The following GART variants were observed in gnomAD, a reference collection of about 807,000 sequenced individuals.
GART encodes phosphoribosylglycinamide formyltransferase, phosphoribosylglycinamide synthetase, phosphoribosylaminoimidazole synthetase.
A neutral mutation model predicts 107.2 loss-of-function variants in GART; 43 were observed. The observed-to-expected ratio is 0.40, with a 90% confidence interval of 0.31 to 0.52. The LOEUF is 0.52. Ranked by LOEUF, GART falls within the 20% of genes least tolerant of loss-of-function variation. The pLI is 0.52. For missense variants in GART, 1,107 were observed against 1,206.5 expected, an observed-to-expected ratio of 0.92 and a Z score of 1.22; for synonymous variants, 434 against 427.0, an observed-to-expected ratio of 1.02 and a Z score of -0.20.
At chr21:33,504,678 G>GT in intron 20 of GART, 151 bp from the exon 21 acceptor site, 1 of 640,836 alleles carries the variant, frequency 1.6e-6, no homozygotes, top group Non-Finnish European at 2.7e-6. Context: ...TGAGGTAAAA[G>GT]TAAGTTCTCA....
rs1051072638 is a variant in GART at position 33,539,216 on chromosome 21, G to C, written c.100C>G (p.Pro34Ala). ...GAGCAGGCAGTGCCTGCGTTTCCTG[G>C]GGCAACCAACACTTGTTTGACATGA... is the stretch of plus-strand genomic sequence containing the variant. Reference protein sequence around the residue: ...SHHVKQVLVAPGNAGTACSEK... With the variant: ...SHHVKQVLVAAGNAGTACSEK... The change falls in exon 2 of 22, where the codon CCA (proline) becomes GCA (alanine). Residue 34 changes from proline to alanine, a missense_variant. By Grantham distance (27) the Pro-to-Ala change is conservative. Transcript: ENST00000381815. 1 of 1,614,044 alleles carries C rather than the reference G, an allele frequency of 6.2e-7. No individual in the cohort carries two copies. Among genetic ancestry groups the C allele is most frequent in the Non-Finnish European group, 8.5e-7 (1 of 1,179,960 alleles).
rs1400887158 is a variant in GART, at chr21:33,504,422, T to C, written c.2831A>G (p.His944Arg). ...TGVTVTGCTVHFVAEDVDAGQ... is the reference protein window; with the variant it reads ...TGVTVTGCTVRFVAEDVDAGQ... ...AAAAGACATACTCACAGCTACAAAG[T>C]GTACAGTGCACCCAGTAACTGTGAC... is the stretch of plus-strand genomic sequence containing the variant. Residue 944 changes from histidine (H) to arginine (R), a missense_variant, in exon 21 of 22, where the codon CAC becomes CGC. By Grantham distance (29) the His-to-Arg change is conservative (BLOSUM62 0). Transcript: ENST00000381815. 6.2e-7 allele frequency: 1 copy of C among 1,613,744 alleles called. No homozygotes were observed. Among genetic ancestry groups the C allele is most frequent in the Non-Finnish European group, 8.5e-7 (1 of 1,179,700 alleles).
intron 21 of GART, 46 bp downstream of exon 21, chr21:33,504,366 T>C: frequency 6.2e-7 from 1 of 1,609,590 alleles, no homozygotes; most frequent in Non-Finnish European, 8.5e-7. Flanking sequence ...CAGTGTCATT[T>C]ACATCTGACT....
intron 1 of GART, among the ~76,000 whole-genome samples, chr21:33,540,751 GATTAC>G (rs781543940): frequency 6.6e-6 from 1 of 152,142 alleles, no homozygotes; most frequent in Non-Finnish European, 1.5e-5. Context: ...ATGATGTTGG[GATTAC>G]ATATTTTAAG....
chr21:33,522,370 G>T, intron 11 of GART, 88 bp from the exon 12 acceptor site: 1 of 1,057,606 alleles, frequency 9.5e-7, no homozygotes. Flanking sequence ...GATATCCCAA[G>T]TGATTTTCAC....
At chr21:33,518,666 G>T in intron 14 of GART, 4 of 430,106 alleles carry the variant, frequency 9.3e-6, no homozygotes, top group South Asian at 5.3e-5. Context: ...TTCAGAAGTT[G>T]ACTCAATTCA....
rs148369436 is a variant in GART at position 33,539,551 on chromosome 21, G to A, written c.-41-195C>T. 5.3e-3 allele frequency among the ~76,000 whole-genome samples: 812 copies of A among 152,178 alleles called. 10 individuals carry two copies. The highest frequency in any genetic ancestry group is 0.018 in the African/African-American group (758 of 41,504). ...TCTACTAAAATACAAAAATTAGCCA[G>A]GCATGGTGGCGGGTGCCTGTAATCC... On this transcript the variant is annotated intron_variant, in intron 1 of 21. Coordinates refer to ENST00000381815, the MANE Select transcript of GART (RefSeq NM_000819.5).
chr21:33,509,814 CTT>C lies in GART; in HGVS notation c.2419_2420del (p.Lys807GlyfsTer26). On this transcript the variant is annotated frameshift_variant, in exon 18 of 22. Coordinates refer to ENST00000381815, the MANE Select transcript of GART (RefSeq NM_000819.5). LOFTEE classifies it high-confidence loss of function. ...LTNHFSFEKK[K>X]ARVAVLISGT... ...CAGATATTAAGACAGCCACTCTGGC[CTT>C]TTTTTTTTCAAAAGAGAAATGATTT... is the stretch of plus-strand genomic sequence containing the variant. 1 of 1,443,826 alleles carries C rather than the reference CTT, an allele frequency of 6.9e-7. No individual in the cohort carries two copies. The highest frequency in any genetic ancestry group is 9.5e-7 in the Non-Finnish European group (1 of 1,056,382). The allele number at this position is 1,443,826 out of a possible 1,614,324, so 89.4% of individuals were successfully genotyped here.
chr21:33,540,836 T>A (rs1369110123), intron 1 of GART, among the ~76,000 whole-genome samples: 1 of 152,192 alleles, frequency 6.6e-6, no homozygotes, highest in African/African-American at 2.4e-5. Context: ...GGGTACTATT[T>A]AAAATGCTTG....
chr21:33,541,607 A>G (rs1293900140), intron 1 of GART, among the ~76,000 whole-genome samples: 1 of 152,194 alleles, frequency 6.6e-6, no homozygotes, highest in Non-Finnish European at 1.5e-5. Flanking sequence ...CTGGGTAGAG[A>G]CGCTGCCCCA....
At chr21:33,538,538 T>C (rs1422352097) in intron 2 of GART, among the ~76,000 whole-genome samples, 1 of 152,320 alleles carries the variant, frequency 6.6e-6, no homozygotes, top group East Asian at 1.9e-4. Flanking sequence ...TGGCCGCAAG[T>C]TGTATTTAAT....
chr21:33,522,219 A>C lies in GART; in HGVS notation c.1362T>G (p.Ile454Met). 1 of 1,614,016 alleles carries C rather than the reference A, an allele frequency of 6.2e-7. No individual in the cohort carries two copies. The highest frequency in any genetic ancestry group is 1.3e-5 in the African/African-American group (1 of 75,048). The stretch of plus-strand genomic sequence containing the variant: ...TGGAAGTGGCTTTTGCTAAAGGCTG[A>C]ATTTTCTTGACCAGCATATTTCCAG... Reference protein sequence around the residue: ...IAAGNMLVKKIQPLAKATSRS... With the variant: ...IAAGNMLVKKMQPLAKATSRS... The change falls in exon 12 of 22, where the codon ATT (isoleucine) becomes ATG (methionine). Residue 454 changes from isoleucine to methionine, a missense_variant. By Grantham distance (10) the Ile-to-Met change is conservative. Transcript: ENST00000381815.
At chr21:33,521,046 A>G (rs1167140492) in intron 12 of GART, 31 bp from the exon 13 acceptor site, 2 of 1,501,100 alleles carry the variant, frequency 1.3e-6, no homozygotes, top group African/African-American at 2.8e-5. Context: ...TACTTGCTAC[A>G]TTTTAATAGA....
Position 33,525,902 on chromosome 21 carries a change from C to T in GART, c.1067-902G>A, listed in dbSNP as rs376306063. ...TTTTTTTTTTTGAGACAGAGTCTCGCTCTGTCGCCCAGGCTGGTGTGCAGT... is the reference window on the plus strand; with the variant it reads ...TTTTTTTTTTTGAGACAGAGTCTCGTTCTGTCGCCCAGGCTGGTGTGCAGT... On this transcript the variant is annotated intron_variant, in intron 10 of 21. Transcript: ENST00000381815. Among the ~76,000 whole-genome samples the T allele has an allele frequency of 3.2e-4, 47 of 145,854 alleles. 1 individual carries two copies. The East Asian group carries it at 3.6e-3, about 11-fold the overall frequency.
At chr21:33,535,365 AC>A in intron 2 of GART, 45 bp from the exon 3 acceptor site, 1 of 1,225,924 alleles carries the variant, frequency 8.2e-7, no homozygotes, top group Non-Finnish European at 1.1e-6. Flanking sequence ...ATTTACAAAA[AC>A]ATTCCACTTA....
Position 33,528,889 on chromosome 21 carries a change from T to C in GART, c.772A>G (p.Thr258Ala), listed in dbSNP as rs764531288. 2.5e-6 allele frequency: 4 copies of C among 1,613,614 alleles called. No homozygotes were observed. The highest frequency in any genetic ancestry group is 2.7e-5 in the African/African-American group (2 of 74,906). The change falls in exon 8 of 22, where the codon ACA (threonine) becomes GCA (alanine). Residue 258 changes from threonine (T) to alanine (A), a missense_variant. Coordinates refer to ENST00000381815, the MANE Select transcript of GART (RefSeq NM_000819.5). ...CCCTCTTGCTGCATGCCATCCACTG[T>C]CCTCTGAAGAACAGTATCTTTAATT... ...LKIKDTVLQR[T>A]VDGMQQEGTP...
rs539087105 is a variant in GART at position 33,520,306 on chromosome 21, T to C, written c.1702+58A>G. Reference sequence around the variant, plus strand: ...CATTGGCACTGATCACATTTTTACATAGGGCTAAAACACAAAAAGAAGAAT... The same window carrying C: ...CATTGGCACTGATCACATTTTTACACAGGGCTAAAACACAAAAAGAAGAAT... On this transcript the variant is annotated intron_variant, in intron 14 of 21. Coordinates refer to ENST00000381815, the MANE Select transcript of GART (RefSeq NM_000819.5). 1.0e-4 allele frequency: 153 copies of C among 1,503,780 alleles called. 1 individual carries two copies. In the African/African-American group the frequency reaches 1.8e-3, roughly 18 times the overall value. 93.2% of individuals were successfully genotyped at this position (1,503,780 alleles called of 1,614,324 possible).
In GART at chr21:33,518,684, T is replaced by C. The variant is rs184943249; in HGVS notation, c.1703-1076A>G. On this transcript the variant is annotated intron_variant, in intron 14 of 21. Coordinates refer to ENST00000381815, the MANE Select transcript of GART (RefSeq NM_000819.5). ...AGAAGTTGACTCAATTCAGTTTGCC[T>C]CATTCTTAATAGCCTCATCAAAACT... The C allele has an allele frequency of 4.2e-4, 187 of 440,112 alleles. 1 individual carries two copies. Among genetic ancestry groups the C allele is most frequent in the Non-Finnish European group, 6.4e-4 (144 of 223,312 alleles). 27.3% of individuals were successfully genotyped at this position (440,112 alleles called of 1,614,324 possible).
At position 33,515,652 on chromosome 21, in the gene GART, CAAAAAAA is replaced by C. The variant is rs71194850; in HGVS notation, c.2107+1330_2107+1336del. 7.3e-4 allele frequency among the ~76,000 whole-genome samples: 26 copies of C among 35,854 alleles called. No individual in the cohort carries two copies. In the East Asian group the frequency reaches 0.019, roughly 26 times the overall value. 23.5% of individuals were successfully genotyped at this position (35,854 alleles called of 152,430 possible). On this transcript the variant is annotated intron_variant, in intron 16 of 21. Coordinates refer to ENST00000381815, the MANE Select transcript of GART (RefSeq NM_000819.5). ...CTGGCGACAGAGCAAGACTCCAACTCAAAAAAAAAAAAAAAAAAAAAAACGAAAAACA... is the reference window on the plus strand; with the variant it reads ...CTGGCGACAGAGCAAGACTCCAACTCAAAAAAAAAAAAAAAACGAAAAACA...
Sources: gnomAD v4.1 joint callset for allele counts (sites outside exome capture counted in the v4.1 genomes callset) on GRCh38, gnomAD v4.1.1 for gene constraint, MANE v1.5 for transcripts, NCBI Gene and HGNC (gene_info 2026-07-23, HGNC 2026-07-21) for gene names.